TSPAN9: variants seen among roughly 807,000 people sequenced by gnomAD.
TSPAN9 encodes tetraspanin-9.
Under a neutral mutation model 31.0 loss-of-function variants are expected in TSPAN9, and 16 were observed. The ratio of observed to expected loss-of-function variants is 0.52; its 90% CI spans 0.35 to 0.78. The LOEUF (loss-of-function observed/expected upper bound fraction) is 0.78, where lower values mean the gene tolerates loss of function less well. Ranked by LOEUF, TSPAN9 falls within the 30% of genes least tolerant of loss-of-function variation. The pLI is 0.01. For synonymous variants in TSPAN9, 145 were observed against 121.6 expected, an observed-to-expected ratio of 1.19 and a Z score of -1.27; for missense variants, 272 against 312.5, an observed-to-expected ratio of 0.87 and a Z score of 0.98.
At chr12:3,229,459 C>T (rs546039328) in intron 3 of TSPAN9, among the ~76,000 whole-genome samples, 1 of 152,366 alleles carries the variant, frequency 6.6e-6, no homozygotes, top group South Asian at 2.1e-4. Flanking sequence ...TTATCTTGCT[C>T]CCAGCAAATC....
chr12:3,089,094 T>C (rs549065394), intron 2 of TSPAN9, among the ~76,000 whole-genome samples: 128 of 151,288 alleles, frequency 8.5e-4, no homozygotes, highest in African/African-American at 3.0e-3. Context: ...TAGCCGGGCG[T>C]GGTGGCGGGC....
intron 2 of TSPAN9, among the ~76,000 whole-genome samples, chr12:3,126,693 G>C (rs1355407421): frequency 6.6e-6 from 1 of 152,084 alleles, no homozygotes; most frequent in Admixed American, 6.6e-5. Context: ...AGGATCCCTT[G>C]AGCCCAGGAA....
intron 3 of TSPAN9, among the ~76,000 whole-genome samples, chr12:3,216,396 A>T (rs2098381419): frequency 6.6e-6 from 1 of 152,158 alleles, no homozygotes; most frequent in Non-Finnish European, 1.5e-5. Flanking sequence ...GTCCAAGCTC[A>T]CACTGGGCAC....
intron 2 of TSPAN9, among the ~76,000 whole-genome samples, chr12:3,084,728 C>G (rs74733317): frequency 6.6e-6 from 1 of 152,188 alleles, no homozygotes; most frequent in Non-Finnish European, 1.5e-5. Flanking sequence ...ACAAAGGCCC[C>G]GTGGGGTAGC....
At chr12:3,138,829 T>C (rs1237432625) in intron 2 of TSPAN9, among the ~76,000 whole-genome samples, 1 of 152,168 alleles carries the variant, frequency 6.6e-6, no homozygotes, top group East Asian at 1.9e-4. Flanking sequence ...TTTGCTTGGC[T>C]TTCTTTCCCT....
intron 3 of TSPAN9, among the ~76,000 whole-genome samples, chr12:3,246,300 C>G (rs1862126236): frequency 1.3e-5 from 2 of 152,064 alleles, no homozygotes; most frequent in South Asian, 2.1e-4. Flanking sequence ...CTCCCCACTT[C>G]CAGCATTGGG....
At chr12:3,181,407 A>G (rs755580577) in intron 2 of TSPAN9, among the ~76,000 whole-genome samples, 2 of 152,078 alleles carry the variant, frequency 1.3e-5, no homozygotes, top group East Asian at 3.9e-4. Flanking sequence ...TTTGAATATG[A>G]TAGGACTGAT....
intron 3 of TSPAN9, among the ~76,000 whole-genome samples, chr12:3,208,279 G>A (rs1405332590): frequency 1.3e-5 from 2 of 152,130 alleles, no homozygotes; most frequent in East Asian, 1.9e-4. Context: ...GAATGTCTTC[G>A]GGCCTTCGGG....
chr12:3,157,124 G>C (rs2098342666), intron 2 of TSPAN9, among the ~76,000 whole-genome samples: 1 of 150,226 alleles, frequency 6.7e-6, no homozygotes. Context: ...TTTTGAGACG[G>C]AGTCTCGCTC....
At chr12:3,089,169 T>C (rs939551252) in intron 2 of TSPAN9, among the ~76,000 whole-genome samples, 1 of 149,092 alleles carries the variant, frequency 6.7e-6, no homozygotes, top group African/African-American at 2.5e-5. Context: ...GAGGTGGAGC[T>C]TGCAGTGAGC....
intron 3 of TSPAN9, among the ~76,000 whole-genome samples, chr12:3,219,782 A>G (rs11062579): frequency 0.018 from 2,693 of 150,952 alleles, 68 homozygotes; most frequent in African/African-American, 0.06. Flanking sequence ...GCAAACCACC[A>G]TGGCACATGT....
chr12:3,228,026 G>T (rs1251699911), intron 3 of TSPAN9, among the ~76,000 whole-genome samples: 1 of 152,158 alleles, frequency 6.6e-6, no homozygotes, highest in Non-Finnish European at 1.5e-5. Context: ...CTATGTACCA[G>T]GCACTATGCT....
rs1158043343 is a variant in TSPAN9, at chr12:3,281,186, C to T, written c.433-12C>T. 2 of 1,550,818 alleles carry T rather than the reference C, an allele frequency of 1.3e-6. No individual in the cohort carries two copies. Among genetic ancestry groups the T allele is most frequent in the African/African-American group, 1.4e-5 (1 of 73,154 alleles). ...GGCATGTCTGACTGCCCCTTCCATTCCTGCTGGCCAGATGCGATGCTGTGG... is the reference window on the plus strand; with the variant it reads ...GGCATGTCTGACTGCCCCTTCCATTTCTGCTGGCCAGATGCGATGCTGTGG... On this transcript the variant is annotated splice_polypyrimidine_tract_variant and intron_variant, in intron 6 of 8. Coordinates refer to ENST00000011898, the MANE Select transcript of TSPAN9 (RefSeq NM_006675.5).
chr12:3,180,434 A>G (rs1392322594), intron 2 of TSPAN9, among the ~76,000 whole-genome samples: 1 of 151,936 alleles, frequency 6.6e-6, no homozygotes, highest in Non-Finnish European at 1.5e-5. Context: ...CTGTGATTGT[A>G]CCACTGCACT....
chr12:3,274,088 G>T (rs1862737419), intron 3 of TSPAN9, among the ~76,000 whole-genome samples: 1 of 152,236 alleles, frequency 6.6e-6, no homozygotes, highest in African/African-American at 2.4e-5. Context: ...GGGCCAGACA[G>T]TTCTTGACTG....
chr12:3,101,086 TG>T (rs2098311660), intron 2 of TSPAN9, among the ~76,000 whole-genome samples: 1 of 151,980 alleles, frequency 6.6e-6, no homozygotes, highest in African/African-American at 2.4e-5. Flanking sequence ...TGGAGGAGGG[TG>T]ACTGGGAGAA....
At chr12:3,263,440 C>T (rs1050576422) in intron 3 of TSPAN9, among the ~76,000 whole-genome samples, 1 of 152,206 alleles carries the variant, frequency 6.6e-6, no homozygotes, top group Non-Finnish European at 1.5e-5. Context: ...CCACGTGTGG[C>T]GGTGGACGGG....
At chr12:3,257,154 G>A (rs1423397345) in intron 3 of TSPAN9, among the ~76,000 whole-genome samples, 1 of 151,996 alleles carries the variant, frequency 6.6e-6, no homozygotes, top group East Asian at 1.9e-4. Context: ...TGCTCTGTGG[G>A]TCTTGGGCTT....
At chr12:3,090,177 A>G (rs1317800285) in intron 2 of TSPAN9, among the ~76,000 whole-genome samples, 2 of 152,076 alleles carry the variant, frequency 1.3e-5, no homozygotes, top group Non-Finnish European at 2.9e-5. Context: ...TTCTTTAGGC[A>G]TCTTTTCACA....
Sources: allele counts gnomAD v4.1 joint callset (sites outside exome capture counted in the v4.1 genomes callset), GRCh38; gene constraint gnomAD v4.1.1; transcripts MANE v1.5; gene names NCBI Gene and HGNC (gene_info 2026-07-23, HGNC 2026-07-21).